Variants in MECOM observed in about 807,000 individuals in gnomAD.
MECOM encodes the protein histone-lysine N-methyltransferase MECOM.
Under a neutral mutation model 116.3 loss-of-function variants are expected in MECOM, and 13 were observed. That is an observed-to-expected ratio of 0.11 (90% confidence interval 0.07 to 0.18). MECOM has a LOEUF of 0.18. Ranked by LOEUF, MECOM falls within the 10% of genes least tolerant of loss-of-function variation. The probability of loss-of-function intolerance (pLI) is 1.00; values close to 1 mark genes in which losing one functional copy is unlikely to be tolerated. For missense variants in MECOM, 1,299 were observed against 1,509.0 expected (o/e 0.86, Z 2.31); for synonymous variants, 528 against 535.2 (o/e 0.99, Z 0.19).
At chr3:169,147,719 T>A in intron 2 of MECOM, 1 of 945,614 alleles carries the variant, frequency 1.1e-6, no homozygotes, top group South Asian at 4.9e-5. Flanking sequence ...AAGTGTGGTG[T>A]GTGTGTGTGT....
chr3:169,287,095 A>G (rs915051946), intron 2 of MECOM, among the ~76,000 whole-genome samples: 2 of 152,168 alleles, frequency 1.3e-5, no homozygotes, highest in African/African-American at 4.8e-5. Context: ...GAAGATAGAA[A>G]ATATCACATT....
chr3:169,307,691 T>C (rs912588873), intron 2 of MECOM, among the ~76,000 whole-genome samples: 19 of 152,246 alleles, frequency 1.2e-4, no homozygotes, highest in African/African-American at 4.3e-4. Context: ...CACATTCAAA[T>C]GTTTCTAAAT....
chr3:169,339,217 C>A (rs1385082836), intron 2 of MECOM, among the ~76,000 whole-genome samples: 1 of 152,148 alleles, frequency 6.6e-6, no homozygotes, highest in Admixed American at 6.6e-5. Context: ...ATAAGGGCTT[C>A]AAGTGTCATG....
At chr3:169,614,305 A>G (rs1174638073) in intron 1 of MECOM, among the ~76,000 whole-genome samples, 1 of 151,896 alleles carries the variant, frequency 6.6e-6, no homozygotes, top group African/African-American at 2.4e-5. Context: ...TCACTTAAAC[A>G]GAGCTTTAGG....
intron 2 of MECOM, among the ~76,000 whole-genome samples, chr3:169,167,470 A>G (rs1035324098): frequency 1.3e-5 from 2 of 152,210 alleles, no homozygotes; most frequent in African/African-American, 4.8e-5. Context: ...GTCCCGCATG[A>G]TGGAAGAAAA....
intron 1 of MECOM, among the ~76,000 whole-genome samples, chr3:169,598,870 A>G (rs1767476608): frequency 6.6e-6 from 1 of 152,234 alleles, no homozygotes; most frequent in Non-Finnish European, 1.5e-5. Context: ...CTAGGCATCA[A>G]AACCATGAAG....
chr3:169,124,928 T>C (rs1367670744), intron 5 of MECOM, among the ~76,000 whole-genome samples: 1 of 152,118 alleles, frequency 6.6e-6, no homozygotes, highest in African/African-American at 2.4e-5. Flanking sequence ...GAATAAATTA[T>C]CCAGTGGTCA....
rs1245743725 is a variant in MECOM at position 169,663,554 on chromosome 3, TTC to T, written c.-184_-183del. 4 of 575,192 alleles carry T rather than the reference TTC, an allele frequency of 7.0e-6. No homozygotes were observed. The highest frequency in any genetic ancestry group is 2.3e-5 in the African/African-American group (1 of 44,344). 35.6% of individuals were successfully genotyped at this position (575,192 alleles called of 1,614,324 possible). A position where few individuals can be genotyped will look rare whatever the true frequency, so the allele number is the denominator to read the frequency against. The stretch of plus-strand genomic sequence containing the variant: ...TCCCTCCCTCCTGTTTCTCTCCTGT[TTC>T]TCTCTCTCTTCCACACACTCACTCT... On this transcript the variant is annotated 5_prime_UTR_variant, in exon 1 of 17. Transcript: ENST00000651503.
chr3:169,553,419 G>C (rs974039979), intron 1 of MECOM, among the ~76,000 whole-genome samples: 1 of 152,178 alleles, frequency 6.6e-6, no homozygotes, highest in African/African-American at 2.4e-5. Context: ...CTACTGTACA[G>C]CAGAAATTTT....
At chr3:169,317,049 G>A (rs997779036) in intron 2 of MECOM, among the ~76,000 whole-genome samples, 3 of 152,206 alleles carry the variant, frequency 2.0e-5, no homozygotes, top group Admixed American at 6.5e-5. Context: ...CCAGCGTGAG[G>A]GACCTTACAA....
intron 2 of MECOM, chr3:169,147,748 G>GTGTGCA (rs1560280077): frequency 4.1e-6 from 4 of 983,442 alleles, no homozygotes; most frequent in Non-Finnish European, 4.8e-6. Context: ...GCGAGTGTGT[G>GTGTGCA]TGTGCATGTG....
Position 169,488,552 on chromosome 3 carries a change from T to C in MECOM, c.38-107028A>G, listed in dbSNP as rs756095890. Among the ~76,000 whole-genome samples, 142 of 110,530 alleles carry C rather than the reference T, an allele frequency of 1.3e-3. 1 individual carries two copies. The highest frequency in any genetic ancestry group is 5.5e-3 in the African/African-American group (136 of 24,772). 72.5% of individuals were successfully genotyped at this position (110,530 alleles called of 152,430 possible). ...CAGAGCTAGACTCTATCTCAGAAAA[T>C]AAAAAAGTAATAAAAGTAATAAAAA... is the stretch of plus-strand genomic sequence containing the variant. On this transcript the variant is annotated intron_variant, in intron 1 of 16. Transcript: ENST00000651503.
chr3:169,646,068 G>A (rs1293840491), intron 1 of MECOM, among the ~76,000 whole-genome samples: 1 of 152,094 alleles, frequency 6.6e-6, no homozygotes, highest in Admixed American at 6.5e-5. Context: ...CAAAGGACAT[G>A]AACTCATCCT....
At chr3:169,094,041 T>G (rs1720720954) in intron 13 of MECOM, among the ~76,000 whole-genome samples, 1 of 152,110 alleles carries the variant, frequency 6.6e-6, no homozygotes, top group African/African-American at 2.4e-5. Context: ...ACAGTTAGAG[T>G]GGCCAGTTTT....
At chr3:169,282,571 A>C (rs1165843775) in intron 2 of MECOM, among the ~76,000 whole-genome samples, 2 of 152,062 alleles carry the variant, frequency 1.3e-5, no homozygotes, top group Non-Finnish European at 2.9e-5. Flanking sequence ...TTATTTATTT[A>C]CTCATTTATT....
intron 1 of MECOM, among the ~76,000 whole-genome samples, chr3:169,633,093 G>A (rs1184486287): frequency 6.6e-6 from 1 of 151,996 alleles, no homozygotes; most frequent in African/African-American, 2.4e-5. Context: ...TGAATCCTGT[G>A]AACATTGCCC....
chr3:169,398,748 T>C (rs1735399233), intron 1 of MECOM, among the ~76,000 whole-genome samples: 1 of 152,190 alleles, frequency 6.6e-6, no homozygotes, highest in Non-Finnish European at 1.5e-5. Context: ...CTCCTGCTCC[T>C]GTGAACCTTA....
intron 1 of MECOM, among the ~76,000 whole-genome samples, chr3:169,584,725 A>G (rs555355186): frequency 2.6e-5 from 4 of 152,342 alleles, no homozygotes; most frequent in Non-Finnish European, 5.9e-5. Context: ...GTGGGACTTA[A>G]CAAGTGAGTA....
chr3:169,445,133 T>C (rs1560283087), intron 1 of MECOM, among the ~76,000 whole-genome samples: 1 of 152,086 alleles, frequency 6.6e-6, no homozygotes, highest in Non-Finnish European at 1.5e-5. Flanking sequence ...GAAAAACCCA[T>C]TTTTTGAGGA....
Sources: gnomAD v4.1 joint callset for allele counts (sites outside exome capture counted in the v4.1 genomes callset) on GRCh38, gnomAD v4.1.1 for gene constraint, MANE v1.5 for transcripts, NCBI Gene and HGNC (gene_info 2026-07-23, HGNC 2026-07-21) for gene names.